INO80: variants seen among roughly 807,000 people sequenced by gnomAD.
The protein encoded by INO80 is INO80 complex ATPase subunit, also known as chromatin-remodeling ATPase INO80.
A neutral mutation model predicts 203.4 loss-of-function variants in INO80; 20 were observed. That is an observed-to-expected ratio of 0.10 (90% CI 0.07 to 0.14). The LOEUF (loss-of-function observed/expected upper bound fraction) is 0.14. Among genes scored for constraint, INO80 ranks in the 10% least tolerant of loss-of-function variants. INO80 has a pLI of 1.00. For synonymous variants in INO80, 726 were observed against 685.2 expected, an observed-to-expected ratio of 1.06 and a Z score of -0.93; for missense variants, 1,419 against 1,914.4, an observed-to-expected ratio of 0.74 and a Z score of 4.83.
In INO80 at chr15:40,996,616, G is replaced by A. The variant is rs549044126; in HGVS notation, c.3570+913C>T. On this transcript the variant is annotated intron_variant, in intron 29 of 35. Coordinates refer to ENST00000648947, the MANE Select transcript of INO80 (RefSeq NM_017553.3). ...TGGGATTACAGGCATGAGCCACCAC[G>A]CCCAGCCAGGAATCCTCTTTTCTTC... is the stretch of plus-strand genomic sequence containing the variant. Among the ~76,000 whole-genome samples the A allele has an allele frequency of 2.6e-4, 39 of 152,172 alleles. No individual in the cohort carries two copies. In the South Asian group the frequency reaches 6.4e-3, roughly 25 times the overall value.
At chr15:41,056,354 G>A (rs763718542) in intron 17 of INO80, among the ~76,000 whole-genome samples, 4 of 152,122 alleles carry the variant, frequency 2.6e-5, no homozygotes, top group Non-Finnish European at 5.9e-5. Context: ...GCAAAAACAC[G>A]TCTCTGCATT....
At position 41,051,965 on chromosome 15, in the gene INO80, T is replaced by C. The variant is rs184910114; in HGVS notation, c.2275-1863A>G. Among the ~76,000 whole-genome samples the C allele has an allele frequency of 6.1e-3, 918 of 151,436 alleles. 7 individuals carry two copies. Among genetic ancestry groups the C allele is most frequent in the Non-Finnish European group, 0.011 (735 of 67,792 alleles). ...AGAGCAAGACTCAGTCTCAAAAAAA[T>C]AAAAAATAAATAAAAAATAAAAAAT... On this transcript the variant is annotated intron_variant, in intron 19 of 35. Coordinates refer to ENST00000648947, the MANE Select transcript of INO80 (RefSeq NM_017553.3).
At chr15:41,067,123 C>T (rs1398451843) in intron 14 of INO80, among the ~76,000 whole-genome samples, 1 of 152,134 alleles carries the variant, frequency 6.6e-6, no homozygotes, top group Non-Finnish European at 1.5e-5. Context: ...GTCGCCCAGG[C>T]TGGAGTGCAG....
rs2045998633 is a variant in INO80, at chr15:41,114,364, T to G, written c.-44+1609A>C. On this transcript the variant is annotated intron_variant, in intron 1 of 35. Coordinates refer to ENST00000648947, the MANE Select transcript of INO80 (RefSeq NM_017553.3). ...CAAATTGTTTTATAGGAGGAGGAGC[T>G]TGGAAATTTCAAACATAAAATGCAA... 2.0e-5 allele frequency among the ~76,000 whole-genome samples: 3 copies of G among 151,864 alleles called. No individual in the cohort carries two copies. In the South Asian group the frequency reaches 6.2e-4, roughly 32 times the overall value.
At chr15:41,044,528 C>T (rs1407155633) in intron 24 of INO80, among the ~76,000 whole-genome samples, 2 of 151,944 alleles carry the variant, frequency 1.3e-5, no homozygotes, top group African/African-American at 4.8e-5. Context: ...TGGCAATTAC[C>T]TTTAATTGTT....
intron 14 of INO80, among the ~76,000 whole-genome samples, chr15:41,068,187 T>G (rs2045253465): frequency 6.6e-6 from 1 of 152,022 alleles, no homozygotes; most frequent in South Asian, 2.1e-4. Context: ...TCTGGGAGGC[T>G]GACGCAGAAG....
At chr15:40,983,363 A>T in intron 34 of INO80, 5 of 454,544 alleles carry the variant, frequency 1.1e-5, no homozygotes, top group Non-Finnish European at 1.6e-5. Flanking sequence ...TTACAAAGGG[A>T]AGCGACTTGC....
chr15:41,024,438 AC>A (rs1229710395), intron 25 of INO80: 2 of 152,164 alleles, frequency 1.3e-5, no homozygotes, highest in East Asian at 3.9e-4. Context: ...AGCATGACGT[AC>A]CGTTCTTCCC....
intron 34 of INO80, 82 bp downstream of exon 34, chr15:40,983,680 G>GA: frequency 8.2e-7 from 1 of 1,218,402 alleles, no homozygotes; most frequent in Admixed American, 2.0e-5. Context: ...CATTATCCTA[G>GA]AAGGAATCAG....
At chr15:41,030,158 A>G (rs964277896) in intron 24 of INO80, among the ~76,000 whole-genome samples, 2 of 152,242 alleles carry the variant, frequency 1.3e-5, no homozygotes, top group South Asian at 4.1e-4. Context: ...ACTTTGTTCC[A>G]ATAATATAAA....
At chr15:41,003,329 C>CTTT (rs771356698) in intron 28 of INO80, among the ~76,000 whole-genome samples, 49,323 of 106,402 alleles carry the variant, frequency 0.46, 15,244 homozygotes, top group East Asian at 0.67. Flanking sequence ...TTTTTCTTTT[C>CTTT]TTTTCTTTTT....
intron 21 of INO80, 119 bp from the exon 22 acceptor site, chr15:41,048,395 A>T: frequency 1.4e-6 from 1 of 718,034 alleles, no homozygotes; most frequent in Non-Finnish European, 2.4e-6. Flanking sequence ...CACTTTTAAG[A>T]AGTTTCTTGC....
rs769969005 is a variant in INO80, at chr15:41,073,442, T to C, written c.1381A>G (p.Ile461Val). The change falls in exon 11 of 36, where the codon ATT (isoleucine) becomes GTT (valine). Residue 461 changes from isoleucine to valine, a missense_variant. Around this residue, in one of 9 missense-constraint regions of INO80, gnomAD observed 116 missense variants for 119.5 expected, o/e 0.97. Transcript: ENST00000648947. ...TGAAGACTCACCCGAGCTTGGTGAA[T>C]ATGGTAAGCATTTTCAGCATTCTTC... ...ALKNAENAYH[I>V]HQARTRSFDE... 1.1e-5 allele frequency: 18 copies of C among 1,613,944 alleles called. No homozygotes were observed. The highest frequency in any genetic ancestry group is 1.3e-5 in the African/African-American group (1 of 74,928).
At chr15:41,022,024 C>T (rs1017542853) in intron 25 of INO80, among the ~76,000 whole-genome samples, 9 of 152,226 alleles carry the variant, frequency 5.9e-5, no homozygotes, top group Admixed American at 2.6e-4. Context: ...CAAGCCCACG[C>T]TGACAAATAT....
chr15:41,055,971 G>A (rs1312235465), intron 17 of INO80, among the ~76,000 whole-genome samples: 1 of 133,176 alleles, frequency 7.5e-6, no homozygotes, highest in Non-Finnish European at 1.6e-5. Context: ...TTGAGATGGA[G>A]TCTCACTCTG....
intron 13 of INO80, among the ~76,000 whole-genome samples, chr15:41,070,055 T>C (rs930942459): frequency 1.3e-5 from 2 of 152,182 alleles, no homozygotes; most frequent in East Asian, 3.8e-4. Flanking sequence ...AAAATTCCTA[T>C]AAAGTAGATA....
chr15:41,031,318 ATACCTT>A (rs905159875), intron 24 of INO80, among the ~76,000 whole-genome samples: 12 of 151,832 alleles, frequency 7.9e-5, no homozygotes, highest in African/African-American at 2.9e-4. Flanking sequence ...AATACAAAGA[ATACCTT>A]AAGCAATATT....
At chr15:41,112,056 A>G (rs1033064868) in intron 1 of INO80, among the ~76,000 whole-genome samples, 3 of 151,942 alleles carry the variant, frequency 2.0e-5, no homozygotes, top group African/African-American at 4.8e-5. Context: ...GGCACACGCC[A>G]CCCTAGTCCA....
chr15:41,051,229 C>G (rs755338669), intron 19 of INO80, among the ~76,000 whole-genome samples: 1 of 151,590 alleles, frequency 6.6e-6, no homozygotes, highest in Non-Finnish European at 1.5e-5. Context: ...CCACAATGAT[C>G]TGAAAATTAG....
Sources: allele counts gnomAD v4.1 joint callset (sites outside exome capture counted in the v4.1 genomes callset), GRCh38; gene constraint gnomAD v4.1.1; regional missense constraint gnomAD v4.1.1; transcripts MANE v1.5; gene names NCBI Gene and HGNC (gene_info 2026-07-23, HGNC 2026-07-21).